CAPS2: variants seen among roughly 807,000 people sequenced by gnomAD.
The protein encoded by CAPS2 is calcyphosine 2.
In CAPS2, 98 loss-of-function variants were observed where a neutral mutation model predicts 86.5. The ratio of observed to expected loss-of-function variants is 1.13; its 90% CI spans 0.96 to 1.34. CAPS2 has a LOEUF of 1.34. Ranked by LOEUF, CAPS2 falls within the 40% of genes most tolerant of loss-of-function variation. CAPS2 has a pLI of 0.00. For synonymous variants in CAPS2, 210 were observed against 225.1 expected (o/e 0.93, Z 0.60); for missense variants, 729 against 686.8 (o/e 1.06, Z -0.69).
chr12:75,350,772 A>C (rs1485239458), intron 1 of CAPS2, among the ~76,000 whole-genome samples: 1 of 152,228 alleles, frequency 6.6e-6, no homozygotes, highest in Non-Finnish European at 1.5e-5. Context: ...AAACTCAAAA[A>C]GCCAGAGTGT....
chr12:75,289,040 A>G (rs555442826), intron 14 of CAPS2, among the ~76,000 whole-genome samples: 1 of 152,322 alleles, frequency 6.6e-6, no homozygotes, highest in East Asian at 1.9e-4. Context: ...AAGATTATTC[A>G]CAGTGGAGGG....
intron 1 of CAPS2, among the ~76,000 whole-genome samples, chr12:75,379,040 T>C (rs2044813806): frequency 6.6e-6 from 1 of 152,212 alleles, no homozygotes; most frequent in Non-Finnish European, 1.5e-5. Flanking sequence ...ATCATTTTGT[T>C]ATCTTCATGT....
chr12:75,305,978 A>C lies in CAPS2; in HGVS notation c.660-1102T>G. On this transcript the variant is annotated intron_variant, in intron 7 of 16. Transcript: ENST00000393284. ...CATGGACAGGGTGGCTCTGAGCAAC[A>C]GCAGGGTCCTGACAGGCCTCCTGCT... The C allele has an allele frequency of 4.3e-6, 6 of 1,386,636 alleles. No individual in the cohort carries two copies. The South Asian group carries it at 7.4e-5, about 17-fold the overall frequency. The allele number at this position is 1,386,636 out of a possible 1,614,324, so 85.9% of individuals were successfully genotyped here.
chr12:75,363,911 A>C (rs2043790186), intron 1 of CAPS2, among the ~76,000 whole-genome samples: 1 of 152,168 alleles, frequency 6.6e-6, no homozygotes, highest in African/African-American at 2.4e-5. Flanking sequence ...AGACAACTGG[A>C]AGTAGGGCTT....
upstream of CAPS2, among the ~76,000 whole-genome samples, chr12:75,329,111 C>A (rs1472240031): frequency 6.6e-6 from 1 of 152,190 alleles, no homozygotes; most frequent in African/African-American, 2.4e-5. Flanking sequence ...CGAATTCACA[C>A]GTGGGTTTCA....
chr12:75,332,988 A>T (rs2041438910), upstream of CAPS2, among the ~76,000 whole-genome samples: 1 of 152,204 alleles, frequency 6.6e-6, no homozygotes, highest in Non-Finnish European at 1.5e-5. Context: ...TGCTGAGGAG[A>T]GAGCATCCTT....
intron 5 of CAPS2, among the ~76,000 whole-genome samples, chr12:75,320,146 G>T (rs1198126544): frequency 6.6e-6 from 1 of 151,864 alleles, no homozygotes; most frequent in African/African-American, 2.4e-5. Flanking sequence ...CTTCTATAAA[G>T]CTCTTTATTC....
chr12:75,381,586 G>T, intron 1 of CAPS2, among the ~76,000 whole-genome samples: 1 of 132,428 alleles, frequency 7.6e-6, no homozygotes, highest in Admixed American at 7.5e-5. Flanking sequence ...TTTTTCTAAT[G>T]GTGCTGCTGT....
intron 1 of CAPS2, among the ~76,000 whole-genome samples, chr12:75,372,553 G>C (rs748945834): frequency 1.1e-4 from 17 of 152,176 alleles, no homozygotes; most frequent in Non-Finnish European, 2.5e-4. Flanking sequence ...TGGATCACTA[G>C]GGGTGATGGT....
At chr12:75,369,341 A>G (rs2044201909) in intron 1 of CAPS2, 1 of 164,638 alleles carries the variant, frequency 6.1e-6, no homozygotes, top group African/African-American at 2.4e-5. Context: ...AAAATTGAGT[A>G]TAGATTTTTC....
downstream of CAPS2, chr12:75,276,140 GCTCTT>G (rs2137908005): frequency 6.8e-7 from 1 of 1,472,906 alleles, no homozygotes; most frequent in South Asian, 1.4e-5. Context: ...GATTGTCTTT[GCTCTT>G]CTCTTGCTTG....
intron 6 of CAPS2, among the ~76,000 whole-genome samples, chr12:75,314,942 C>T (rs1484344513): frequency 1.3e-5 from 2 of 152,082 alleles, no homozygotes; most frequent in Non-Finnish European, 1.5e-5. Context: ...GACAAAGGAG[C>T]TAGATGAGAT....
At chr12:75,353,812 C>G (rs1190962123) in intron 1 of CAPS2, among the ~76,000 whole-genome samples, 1 of 152,200 alleles carries the variant, frequency 6.6e-6, no homozygotes. Flanking sequence ...TTGGCTTCAT[C>G]CCCAGGATGC....
intron 1 of CAPS2, among the ~76,000 whole-genome samples, chr12:75,345,536 T>G (rs1232476658): frequency 2.0e-5 from 3 of 152,184 alleles, no homozygotes; most frequent in African/African-American, 7.2e-5. Context: ...AGCAACTTGT[T>G]CTTATCAGAG....
Position 75,316,287 on chromosome 12 carries a change from A to G in CAPS2, c.591+25T>C, listed in dbSNP as rs898821769. On this transcript the variant is annotated intron_variant, in intron 6 of 16. Coordinates refer to ENST00000393284, the Ensembl canonical transcript of CAPS2. Reference sequence around the variant, plus strand: ...GCAAATAAGATTAATGGCTCACCAAATAAGTAAAAATGCTGACAACTTACT... The same window carrying G: ...GCAAATAAGATTAATGGCTCACCAAGTAAGTAAAAATGCTGACAACTTACT... The G allele has an allele frequency of 6.5e-6, 10 of 1,549,016 alleles. No homozygotes were observed. The African/African-American group carries it at 9.6e-5, about 15-fold the overall frequency.
chr12:75,355,898 T>C (rs1365435495), intron 1 of CAPS2, among the ~76,000 whole-genome samples: 1 of 152,180 alleles, frequency 6.6e-6, no homozygotes, highest in Non-Finnish European at 1.5e-5. Flanking sequence ...AAACACCACA[T>C]GTTCTCATTT....
intron 1 of CAPS2, among the ~76,000 whole-genome samples, chr12:75,361,379 T>A (rs903735516): frequency 9.9e-5 from 15 of 152,148 alleles, no homozygotes; most frequent in African/African-American, 3.1e-4. Flanking sequence ...AGATTTAACT[T>A]GTAGCTTGGC....
chr12:75,353,350 G>A (rs554358281), intron 1 of CAPS2, among the ~76,000 whole-genome samples: 6 of 152,276 alleles, frequency 3.9e-5, no homozygotes, highest in African/African-American at 1.4e-4. Flanking sequence ...ACAACCATCA[G>A]AGAATACTAT....
chr12:75,291,554 C>CTATA (rs2035906553), intron 13 of CAPS2, among the ~76,000 whole-genome samples, 190 bp downstream of exon 13: 7 of 23,686 alleles, frequency 3.0e-4, no homozygotes, highest in African/African-American at 4.8e-4. Flanking sequence ...ATATATATAG[C>CTATA]TTATTTTTAA....
Sources: allele counts gnomAD v4.1 joint callset (sites outside exome capture counted in the v4.1 genomes callset), GRCh38; gene constraint gnomAD v4.1.1; transcripts MANE v1.5; gene names NCBI Gene and HGNC (gene_info 2026-07-23, HGNC 2026-07-21).